The following PATL1 variants were observed in gnomAD, a reference collection of about 807,000 sequenced individuals.
PATL1 encodes the protein PAT1 homolog 1, processing body mRNA decay factor.
PATL1 carries 32 observed loss-of-function variants against 100.6 expected under a neutral mutation model. The observed-to-expected ratio is 0.32, with a 90% CI of 0.24 to 0.43. The LOEUF (loss-of-function observed/expected upper bound fraction) is 0.43, where lower values mean the gene tolerates loss of function less well. Ranked by LOEUF, PATL1 falls within the 20% of genes least tolerant of loss-of-function variation. PATL1 has a pLI of 1.00. For synonymous variants in PATL1, 332 were observed against 330.0 expected, an observed-to-expected ratio of 1.01 and a Z score of -0.07; for missense variants, 747 against 949.9, an observed-to-expected ratio of 0.79 and a Z score of 2.81.
intron 16 of PATL1, 112 bp from the exon 17 acceptor site, chr11:59,639,495 C>T: frequency 1.3e-6 from 1 of 762,940 alleles, no homozygotes; most frequent in Non-Finnish European, 2.1e-6. Context: ...AAAATAACCT[C>T]ACTACTGTGC....
chr11:59,644,206 A>G (rs1392885197), intron 15 of PATL1, among the ~76,000 whole-genome samples: 1 of 152,208 alleles, frequency 6.6e-6, no homozygotes, highest in Non-Finnish European at 1.5e-5. Flanking sequence ...ACATTTTGCC[A>G]ATCTTATTAA....
chr11:59,664,924 C>T (rs1204425870), intron 2 of PATL1, among the ~76,000 whole-genome samples: 3 of 152,226 alleles, frequency 2.0e-5, no homozygotes, highest in Non-Finnish European at 4.4e-5. Flanking sequence ...ATTTGCAATT[C>T]ACATCAGTTT....
In PATL1 at chr11:59,638,323, C is replaced by T; in HGVS notation, c.*67G>A. 6.6e-7 allele frequency: 1 copy of T among 1,515,714 alleles called. No individual in the cohort carries two copies. The highest frequency in any genetic ancestry group is 9.1e-7 in the Non-Finnish European group (1 of 1,095,248). 93.9% of individuals were successfully genotyped at this position (1,515,714 alleles called of 1,614,324 possible). On this transcript the variant is annotated 3_prime_UTR_variant, in exon 19 of 19. Coordinates refer to ENST00000300146, the MANE Select transcript of PATL1 (RefSeq NM_152716.3). ...TACCTTCCTTCCCTCATTAAAAACACTCCATTGGTGATGGCAGCAGTGCAG... is the reference window on the plus strand; with the variant it reads ...TACCTTCCTTCCCTCATTAAAAACATTCCATTGGTGATGGCAGCAGTGCAG...
At chr11:59,640,792 G>A (rs907123016) in intron 16 of PATL1, among the ~76,000 whole-genome samples, 3 of 152,154 alleles carry the variant, frequency 2.0e-5, no homozygotes, top group Non-Finnish European at 4.4e-5. Context: ...CAGCACTTTG[G>A]GAGGTGGAGG....
intron 14 of PATL1, among the ~76,000 whole-genome samples, 160 bp from the exon 15 acceptor site, chr11:59,648,073 A>C (rs528566647): frequency 6.6e-6 from 1 of 152,314 alleles, no homozygotes; most frequent in East Asian, 1.9e-4. Context: ...AATCTCAACC[A>C]AATAAAAAGT....
chr11:59,652,387 C>T (rs1319381309), intron 11 of PATL1, 77 bp downstream of exon 11: 2 of 1,506,446 alleles, frequency 1.3e-6, no homozygotes, highest in Non-Finnish European at 1.8e-6. Context: ...TCCACATATA[C>T]ACTTGTCTAT....
At chr11:59,644,909 T>TAAAA (rs1554983880) in intron 15 of PATL1, among the ~76,000 whole-genome samples, 1 of 111,556 alleles carries the variant, frequency 9.0e-6, no homozygotes, top group African/African-American at 4.0e-5. Context: ...TTTTTTTTTT[T>TAAAA]AAAAAAAAAA....
At chr11:59,647,184 T>C (rs888979221) in intron 15 of PATL1, among the ~76,000 whole-genome samples, 7 of 145,604 alleles carry the variant, frequency 4.8e-5, no homozygotes, top group African/African-American at 1.6e-4. Context: ...GATCACACCA[T>C]TGCCCTACTG....
intron 11 of PATL1, 73 bp downstream of exon 11, chr11:59,652,389 CTT>C: frequency 1.3e-6 from 2 of 1,520,000 alleles, no homozygotes; most frequent in Non-Finnish European, 1.8e-6. Context: ...CACATATACA[CTT>C]GTCTATATTT....
chr11:59,668,849 G>A, intron 1 of PATL1, 32 bp downstream of exon 1: 2 of 1,307,078 alleles, frequency 1.5e-6, no homozygotes, highest in African/African-American at 3.1e-5. Context: ...GCGGGAGGGA[G>A]GGAGGGGTCA....
chr11:59,653,094 C>T, intron 9 of PATL1, 76 bp from the exon 10 acceptor site: 1 of 1,266,292 alleles, frequency 7.9e-7, no homozygotes, highest in Non-Finnish European at 1.1e-6. Flanking sequence ...ATAAACCAGG[C>T]CAGTTTTTTT....
At chr11:59,655,772 C>G (rs1195475413) in intron 7 of PATL1, 32 bp from the exon 8 acceptor site, 1 of 1,538,616 alleles carries the variant, frequency 6.5e-7, no homozygotes, top group African/African-American at 1.4e-5. Context: ...TAGATTTAGA[C>G]AATCAGCAAG....
Position 59,636,914 on chromosome 11 carries a change from G to A in PATL1, c.*1476C>T, listed in dbSNP as rs76478883. On this transcript the variant is annotated 3_prime_UTR_variant, in exon 19 of 19. Transcript: ENST00000300146. ...GTAGTGGAAATGGTCAGTAGACAACGGTAGAGGGAAGCTAGGTAACATCAC... is the reference window on the plus strand; with the variant it reads ...GTAGTGGAAATGGTCAGTAGACAACAGTAGAGGGAAGCTAGGTAACATCAC... The A allele has an allele frequency of 0.05, 7,610 of 152,688 alleles. 276 individuals are homozygous for A. Among genetic ancestry groups the A allele is most frequent in the East Asian group, 0.18 (916 of 5,178 alleles). 9.5% of individuals were successfully genotyped at this position (152,688 alleles called of 1,614,324 possible).
chr11:59,655,548 G>C lies in PATL1; in HGVS notation c.1006C>G (p.Pro336Ala). The change falls in exon 8 of 19, where the codon CCA becomes GCA. Residue 336 changes from proline (P) to alanine (A), a missense_variant. By Grantham distance (27) the Pro-to-Ala change is conservative (BLOSUM62 -1). Transcript: ENST00000300146. The part of the protein sequence containing the change: ...TPPPQQHPPG[P>A]GPHLQNLRSQ... ...CTTAGGTTTTGCAGGTGGGGTCCTG[G>C]GCCAGGAGGGTGCTGCTGTGGAGGT... 1 of 1,583,374 alleles carries C rather than the reference G, an allele frequency of 6.3e-7. No individual in the cohort carries two copies. Among genetic ancestry groups the C allele is most frequent in the Non-Finnish European group, 8.6e-7 (1 of 1,164,244 alleles).
chr11:59,637,828 G>C lies in PATL1; in HGVS notation c.*562C>G, dbSNP rs990439408. 5 of 153,604 alleles carry C rather than the reference G, an allele frequency of 3.3e-5. No individual in the cohort carries two copies. The highest frequency in any genetic ancestry group is 1.2e-4 in the African/African-American group (5 of 41,444). 9.5% of individuals were successfully genotyped at this position (153,604 alleles called of 1,614,324 possible). On this transcript the variant is annotated 3_prime_UTR_variant, in exon 19 of 19. Transcript: ENST00000300146. ...AAATACATCAGCTGGTTTGTGTTTAGAAGAGGTAATGAGACAACTAAATAT... is the reference window on the plus strand; with the variant it reads ...AAATACATCAGCTGGTTTGTGTTTACAAGAGGTAATGAGACAACTAAATAT...
rs1443313085 is a variant in PATL1, at chr11:59,668,919, G to T, written c.-24C>A. 2 of 570,466 alleles carry T rather than the reference G, an allele frequency of 3.5e-6. No homozygotes were observed. The highest frequency in any genetic ancestry group is 5.6e-6 in the Non-Finnish European group (2 of 354,640). 35.3% of individuals were successfully genotyped at this position (570,466 alleles called of 1,614,324 possible). Reference sequence around the variant, plus strand: ...ATTCTTGGGGAGGGGGGCAGGGAGCGGGGAGGGGAGAGGGGGAGGGAGGGA... The same window carrying T: ...ATTCTTGGGGAGGGGGGCAGGGAGCTGGGAGGGGAGAGGGGGAGGGAGGGA... On this transcript the variant is annotated 5_prime_UTR_variant, in exon 1 of 19. Transcript: ENST00000300146.
At chr11:59,656,829 C>T (rs1198384655) in intron 5 of PATL1, among the ~76,000 whole-genome samples, 1 of 152,186 alleles carries the variant, frequency 6.6e-6, no homozygotes, top group Non-Finnish European at 1.5e-5. Context: ...CTCCAGTTAT[C>T]CCCACCCTTC....
intron 18 of PATL1, 123 bp from the exon 19 acceptor site, chr11:59,638,534 A>G: frequency 1.1e-6 from 1 of 930,200 alleles, no homozygotes; most frequent in Non-Finnish European, 1.7e-6. Context: ...TTATTTCTCT[A>G]CCCTTAGCAT....
chr11:59,655,405 G>C, intron 8 of PATL1, 118 bp downstream of exon 8: 1 of 950,634 alleles, frequency 1.1e-6, no homozygotes, highest in Non-Finnish European at 1.5e-6. Context: ...CCAACTTGAG[G>C]ATCCAATAAC....
Sources: allele counts gnomAD v4.1 joint callset (sites outside exome capture counted in the v4.1 genomes callset), GRCh38; gene constraint gnomAD v4.1.1; transcripts MANE v1.5; gene names NCBI Gene and HGNC (gene_info 2026-07-23, HGNC 2026-07-21).